The following THSD7B variants were observed in gnomAD, a reference collection of about 807,000 sequenced individuals.
THSD7B encodes thrombospondin type-1 domain-containing protein 7B.
Under a neutral mutation model 213.6 loss-of-function variants are expected in THSD7B, and 138 were observed. The ratio of observed to expected loss-of-function variants is 0.65; its 90% CI spans 0.56 to 0.74. The LOEUF (loss-of-function observed/expected upper bound fraction) is 0.74. THSD7B is among the 30% of genes least tolerant of loss of function. The pLI is 0.00. For synonymous variants in THSD7B, 742 were observed against 687.0 expected (o/e 1.08, Z -1.25); for missense variants, 1,931 against 1,991.5 (o/e 0.97, Z 0.58).
rs1043380413 is a variant in THSD7B at position 137,541,040 on chromosome 2, A to G, written c.3139-22181A>G. ...AGATGTTGAACGTGTGCCCCAACAC[A>G]TACGTATAGCCACTCAGCAAAGACT... On this transcript the variant is annotated intron_variant, in intron 15 of 27. Transcript: ENST00000409968. Among the ~76,000 whole-genome samples the G allele has an allele frequency of 4.6e-5, 7 of 151,746 alleles. No individual in the cohort carries two copies. In the East Asian group the frequency reaches 1.4e-3, roughly 30 times the overall value.
intron 2 of THSD7B, among the ~76,000 whole-genome samples, chr2:136,920,068 C>G (rs1684409369): frequency 6.6e-6 from 1 of 152,224 alleles, no homozygotes. Flanking sequence ...CTCTTCTCTC[C>G]TTCTTGTCAC....
At chr2:137,045,681 T>C (rs1353863972) in intron 2 of THSD7B, among the ~76,000 whole-genome samples, 1 of 152,226 alleles carries the variant, frequency 6.6e-6, no homozygotes, top group Admixed American at 6.5e-5. Context: ...GATAATATTT[T>C]ACTTGTTGAG....
intron 2 of THSD7B, among the ~76,000 whole-genome samples, chr2:137,015,059 C>T (rs1247209255): frequency 2.6e-5 from 4 of 152,066 alleles, no homozygotes; most frequent in African/African-American, 7.2e-5. Flanking sequence ...TCCCCTGCAT[C>T]GTGATACTTA....
intron 2 of THSD7B, among the ~76,000 whole-genome samples, chr2:136,995,691 C>T (rs1231404777): frequency 2.6e-5 from 4 of 152,068 alleles, no homozygotes; most frequent in Non-Finnish European, 5.9e-5. Context: ...CTTCTCATGA[C>T]TTCATCATTT....
intron 12 of THSD7B, among the ~76,000 whole-genome samples, chr2:137,362,068 G>A (rs1471237264): frequency 1.3e-5 from 2 of 152,084 alleles, no homozygotes; most frequent in Non-Finnish European, 2.9e-5. Flanking sequence ...AAGAGAGTGG[G>A]GGCCAATATT....
intron 24 of THSD7B, among the ~76,000 whole-genome samples, chr2:137,658,574 G>A (rs998124506): frequency 6.6e-6 from 1 of 152,094 alleles, no homozygotes; most frequent in Admixed American, 6.5e-5. Context: ...TTGAAAGAAC[G>A]GAAACCCTCC....
chr2:137,627,955 C>T (rs1386328137), intron 20 of THSD7B, among the ~76,000 whole-genome samples: 1 of 152,212 alleles, frequency 6.6e-6, no homozygotes, highest in Non-Finnish European at 1.5e-5. Flanking sequence ...GTAAATCTAA[C>T]TTCAAATGTA....
intron 2 of THSD7B, among the ~76,000 whole-genome samples, chr2:137,033,661 G>A (rs187615576): frequency 6.6e-5 from 10 of 151,816 alleles, no homozygotes; most frequent in Admixed American, 6.6e-4. Context: ...CCCCAGACCT[G>A]GAGCGCAGTG....
chr2:137,575,890 A>G (rs1048031615), intron 17 of THSD7B, among the ~76,000 whole-genome samples: 1 of 152,004 alleles, frequency 6.6e-6, no homozygotes, highest in Non-Finnish European at 1.5e-5. Context: ...AAGTACATGC[A>G]TACACATACA....
chr2:137,428,220 G>A (rs1483397127), intron 14 of THSD7B, among the ~76,000 whole-genome samples: 1 of 152,100 alleles, frequency 6.6e-6, no homozygotes, highest in Non-Finnish European at 1.5e-5. Flanking sequence ...TCAACATCAT[G>A]TCATTAAGGA....
At chr2:137,438,816 C>T (rs190178355) in intron 14 of THSD7B, among the ~76,000 whole-genome samples, 42 of 152,182 alleles carry the variant, frequency 2.8e-4, no homozygotes, top group Admixed American at 2.3e-3. Context: ...TCCCTCAGTA[C>T]CTGTACCTGT....
chr2:137,179,820 T>A (rs1375510390), intron 7 of THSD7B, among the ~76,000 whole-genome samples: 1 of 152,114 alleles, frequency 6.6e-6, no homozygotes, highest in Non-Finnish European at 1.5e-5. Context: ...AGTCATGTTG[T>A]TCCCCTGCCT....
chr2:137,465,331 T>C (rs1460412742), intron 15 of THSD7B, among the ~76,000 whole-genome samples: 1 of 151,980 alleles, frequency 6.6e-6, no homozygotes, highest in Admixed American at 6.6e-5. Context: ...ACAGTTCAAG[T>C]TGGGAAGAAG....
At chr2:137,198,575 A>G (rs1244338549) in intron 7 of THSD7B, among the ~76,000 whole-genome samples, 3 of 152,176 alleles carry the variant, frequency 2.0e-5, no homozygotes, top group Admixed American at 6.5e-5. Flanking sequence ...GCTTTCAACC[A>G]TCTGAATAAT....
intron 7 of THSD7B, among the ~76,000 whole-genome samples, chr2:137,188,938 G>T (rs1280801319): frequency 6.6e-6 from 1 of 152,168 alleles, no homozygotes; most frequent in Non-Finnish European, 1.5e-5. Flanking sequence ...ACCCCGGTTT[G>T]CTCAGTGAAA....
At chr2:137,106,079 A>T (rs981393060) in intron 4 of THSD7B, among the ~76,000 whole-genome samples, 2 of 152,150 alleles carry the variant, frequency 1.3e-5, no homozygotes, top group African/African-American at 4.8e-5. Context: ...AATACCCCAT[A>T]TAGCCAAGAG....
intron 1 of THSD7B, among the ~76,000 whole-genome samples, chr2:136,878,381 T>C (rs1309285472): frequency 6.6e-6 from 1 of 152,192 alleles, no homozygotes; most frequent in Non-Finnish European, 1.5e-5. Context: ...TAAACATACG[T>C]GTGCGTGTGT....
chr2:136,985,385 C>A (rs902610276), intron 2 of THSD7B, among the ~76,000 whole-genome samples: 1 of 152,160 alleles, frequency 6.6e-6, no homozygotes, highest in African/African-American at 2.4e-5. Context: ...GGATACTGCT[C>A]CCTTTATCTG....
chr2:137,651,504 T>TA (rs569060869), intron 21 of THSD7B, among the ~76,000 whole-genome samples: 61 of 151,842 alleles, frequency 4.0e-4, no homozygotes, highest in East Asian at 1.9e-3. Context: ...TTTATTTTTT[T>TA]AAAAAAAACA....
Sources: allele counts gnomAD v4.1 joint callset (sites outside exome capture counted in the v4.1 genomes callset), GRCh38; gene constraint gnomAD v4.1.1; transcripts MANE v1.5; gene names NCBI Gene and HGNC (gene_info 2026-07-23, HGNC 2026-07-21).